The following GAB2 variants were observed in gnomAD, a reference collection of about 807,000 sequenced individuals.
GAB2 encodes the protein GRB2 associated binding protein 2, also known as GRB2-associated-binding protein 2.
In GAB2, 26 loss-of-function variants were observed where a neutral mutation model predicts 65.5. The ratio of observed to expected loss-of-function variants is 0.40; its 90% CI spans 0.29 to 0.55. The LOEUF is 0.55. Among genes scored for constraint, GAB2 ranks in the 20% least tolerant of loss-of-function variants. The pLI is 0.53. For synonymous variants in GAB2, 321 were observed against 329.6 expected, an observed-to-expected ratio of 0.97 and a Z score of 0.28; for missense variants, 884 against 875.8, an observed-to-expected ratio of 1.01 and a Z score of -0.12.
intron 1 of GAB2, among the ~76,000 whole-genome samples, chr11:78,312,307 C>A (rs1053928585): frequency 1.3e-5 from 2 of 152,152 alleles, no homozygotes; most frequent in Non-Finnish European, 2.9e-5. Flanking sequence ...CCACCACCAC[C>A]ACCACAACAA....
chr11:78,347,064 G>A (rs901264452), intron 1 of GAB2, among the ~76,000 whole-genome samples: 2 of 152,026 alleles, frequency 1.3e-5, no homozygotes, highest in Non-Finnish European at 2.9e-5. Flanking sequence ...GGTGATCTAA[G>A]GATTAACTGT....
chr11:78,294,982 T>G (rs533774686), intron 1 of GAB2, among the ~76,000 whole-genome samples: 2 of 152,236 alleles, frequency 1.3e-5, no homozygotes, highest in African/African-American at 4.8e-5. Flanking sequence ...ATTTTTGCAA[T>G]CTACTCATCT....
At chr11:78,375,420 A>C (rs1409450520) in intron 1 of GAB2, among the ~76,000 whole-genome samples, 1 of 152,158 alleles carries the variant, frequency 6.6e-6, no homozygotes, top group East Asian at 1.9e-4. Flanking sequence ...CCTGATATAA[A>C]ATGTCTTTTC....
chr11:78,355,793 G>C (rs1358101553), intron 1 of GAB2, among the ~76,000 whole-genome samples: 7 of 151,216 alleles, frequency 4.6e-5, no homozygotes, highest in African/African-American at 1.2e-4. Flanking sequence ...ATTAAAATGA[G>C]GCAACTGAGG....
At chr11:78,236,775 GTT>G (rs11339524) in intron 3 of GAB2, among the ~76,000 whole-genome samples, 7 of 149,720 alleles carry the variant, frequency 4.7e-5, no homozygotes, top group Non-Finnish European at 8.9e-5. Context: ...TACTTTGATT[GTT>G]TTTTTTTTGA....
At chr11:78,368,420 G>A (rs749136141) in intron 1 of GAB2, among the ~76,000 whole-genome samples, 1 of 151,964 alleles carries the variant, frequency 6.6e-6, no homozygotes, top group Non-Finnish European at 1.5e-5. Context: ...AATTATCCTG[G>A]ACAAAAAAAT....
intron 1 of GAB2, among the ~76,000 whole-genome samples, chr11:78,314,301 A>C (rs1855557806): frequency 6.6e-6 from 1 of 152,268 alleles, no homozygotes; most frequent in South Asian, 2.1e-4. Flanking sequence ...ATATAGACAG[A>C]CAGACAATAG....
intron 1 of GAB2, among the ~76,000 whole-genome samples, chr11:78,355,827 T>G (rs539479956): frequency 6.6e-6 from 1 of 151,984 alleles, no homozygotes; most frequent in South Asian, 2.1e-4. Context: ...AAACTCCTTA[T>G]AGGACCCTGG....
intron 1 of GAB2, among the ~76,000 whole-genome samples, chr11:78,350,708 C>T (rs1856262557): frequency 1.3e-5 from 2 of 152,116 alleles, no homozygotes; most frequent in Admixed American, 6.5e-5. Context: ...TCTGGTTGTT[C>T]CTCATTTCCA....
intron 1 of GAB2, among the ~76,000 whole-genome samples, chr11:78,376,157 A>G (rs1856628991): frequency 6.6e-6 from 1 of 152,160 alleles, no homozygotes; most frequent in African/African-American, 2.4e-5. Context: ...CTGGACTACA[A>G]ATAGTTTATT....
chr11:78,415,681 G>A (rs982110920), intron 1 of GAB2, among the ~76,000 whole-genome samples: 1 of 152,204 alleles, frequency 6.6e-6, no homozygotes, highest in African/African-American at 2.4e-5. Context: ...GGGAAAGAGA[G>A]GCTAAGGCCA....
At chr11:78,369,440 G>T (rs569182148) in intron 1 of GAB2, among the ~76,000 whole-genome samples, 1 of 152,290 alleles carries the variant, frequency 6.6e-6, no homozygotes, top group Non-Finnish European at 1.5e-5. Flanking sequence ...GTGGCCTATG[G>T]TTTCTTTTGG....
At chr11:78,348,615 T>A (rs1344970944) in intron 1 of GAB2, among the ~76,000 whole-genome samples, 2 of 152,218 alleles carry the variant, frequency 1.3e-5, no homozygotes, top group African/African-American at 2.4e-5. Context: ...GTAAAGCAAC[T>A]GGAAATCACA....
At chr11:78,406,601 C>T (rs1487299881) in intron 1 of GAB2, among the ~76,000 whole-genome samples, 2 of 152,118 alleles carry the variant, frequency 1.3e-5, no homozygotes, top group Non-Finnish European at 2.9e-5. Context: ...TGGTCTTGAG[C>T]TCCTGACCTC....
chr11:78,355,159 G>A (rs1439222843), intron 1 of GAB2, among the ~76,000 whole-genome samples: 3 of 152,208 alleles, frequency 2.0e-5, no homozygotes, highest in Non-Finnish European at 4.4e-5. Flanking sequence ...GGAGATGTGG[G>A]TCCAGTTCTG....
chr11:78,341,604 C>T (rs984540293), intron 1 of GAB2, among the ~76,000 whole-genome samples: 2 of 152,166 alleles, frequency 1.3e-5, no homozygotes, highest in Non-Finnish European at 2.9e-5. Flanking sequence ...TCATTTAATG[C>T]CTATCCTCAC....
At chr11:78,249,653 T>G (rs915002729) in intron 3 of GAB2, among the ~76,000 whole-genome samples, 2 of 152,242 alleles carry the variant, frequency 1.3e-5, no homozygotes, top group African/African-American at 4.8e-5. Context: ...TACTGAGGAC[T>G]TGAAATGTGG....
At chr11:78,402,252 T>C (rs1473946178) in intron 1 of GAB2, among the ~76,000 whole-genome samples, 2 of 152,044 alleles carry the variant, frequency 1.3e-5, no homozygotes, top group Non-Finnish European at 2.9e-5. Flanking sequence ...CCTTCTTCTC[T>C]TGGATTACTT....
Position 78,226,371 on chromosome 11 carries a change from C to T in GAB2, c.1207+94G>A, listed in dbSNP as rs17136431. The T allele has an allele frequency of 7.2e-3, 7,229 of 1,000,334 alleles. 305 individuals are homozygous for T. In the African/African-American group the frequency reaches 0.1, roughly 14 times the overall value. 62.0% of individuals were successfully genotyped at this position (1,000,334 alleles called of 1,614,324 possible). A position where few individuals can be genotyped will look rare whatever the true frequency, so the allele number is the denominator to read the frequency against. On this transcript the variant is annotated intron_variant, in intron 4 of 9. Coordinates refer to ENST00000361507, the MANE Select transcript of GAB2 (RefSeq NM_080491.3). ...AGTGACCTAGGTGGTTCGTAAGTTC[C>T]CCTCGGCCATGGATGACCAAGGACC...
Sources: gnomAD v4.1 joint callset for allele counts (sites outside exome capture counted in the v4.1 genomes callset) on GRCh38, gnomAD v4.1.1 for gene constraint, MANE v1.5 for transcripts, NCBI Gene and HGNC (gene_info 2026-07-23, HGNC 2026-07-21) for gene names.